Variants in CNTNAP2 observed in about 807,000 individuals in gnomAD.
The protein encoded by CNTNAP2 is contactin-associated protein-like 2.
A neutral mutation model predicts 155.2 loss-of-function variants in CNTNAP2; 98 were observed. The observed-to-expected ratio is 0.63, with a 90% CI of 0.54 to 0.75. CNTNAP2 has a LOEUF of 0.75. Among genes scored for constraint, CNTNAP2 ranks in the 30% least tolerant of loss-of-function variants. The pLI, the probability that CNTNAP2 is intolerant of heterozygous loss-of-function variation, is 0.00. For synonymous variants in CNTNAP2, 651 were observed against 631.2 expected, an observed-to-expected ratio of 1.03 and a Z score of -0.47; for missense variants, 1,727 against 1,688.1, an observed-to-expected ratio of 1.02 and a Z score of -0.40.
At chr7:147,544,900 A>G (rs2116752462) in intron 11 of CNTNAP2, among the ~76,000 whole-genome samples, 2 of 152,058 alleles carry the variant, frequency 1.3e-5, no homozygotes, top group African/African-American at 4.8e-5. Flanking sequence ...ATCTTTCCCC[A>G]TGATTGTGAG....
rs1803611181 is a variant in CNTNAP2, at chr7:148,081,835, A to G, written c.2384-36283A>G. Among the ~76,000 whole-genome samples, 2 of 152,066 alleles carry G rather than the reference A, an allele frequency of 1.3e-5. 1 individual carries two copies. The highest frequency in any genetic ancestry group is 4.2e-4 in the South Asian group (2 of 4,808). ...AATGACAGTGATTTGGGAAGACTTC[A>G]TGGCATGAATGTATGTGAGAAAGTG... On this transcript the variant is annotated intron_variant, in intron 15 of 23. Transcript: ENST00000361727.
intron 1 of CNTNAP2, among the ~76,000 whole-genome samples, chr7:146,370,641 C>A (rs1214513810): frequency 6.6e-6 from 1 of 151,938 alleles, no homozygotes; most frequent in Non-Finnish European, 1.5e-5. Flanking sequence ...AGTCGCCACT[C>A]ATTAATCTTT....
intron 3 of CNTNAP2, among the ~76,000 whole-genome samples, chr7:146,932,622 A>G (rs1796800404): frequency 6.6e-6 from 1 of 152,122 alleles, no homozygotes; most frequent in Non-Finnish European, 1.5e-5. Flanking sequence ...AAGGGTATTC[A>G]ATTAGGAAAA....
At chr7:148,313,892 G>C (rs1797640203) in intron 21 of CNTNAP2, among the ~76,000 whole-genome samples, 2 of 152,132 alleles carry the variant, frequency 1.3e-5, no homozygotes, top group Admixed American at 6.5e-5. Context: ...TATATTTGAT[G>C]AAAAAGAGCC....
intron 11 of CNTNAP2, among the ~76,000 whole-genome samples, chr7:147,561,704 T>C (rs530622045): frequency 2.4e-4 from 36 of 152,300 alleles, no homozygotes; most frequent in African/African-American, 7.9e-4. Flanking sequence ...AGTGTATGTG[T>C]GTGTGTGCAC....
At chr7:147,779,460 ATC>A (rs886714505) in intron 13 of CNTNAP2, among the ~76,000 whole-genome samples, 78 of 152,328 alleles carry the variant, frequency 5.1e-4, no homozygotes, top group African/African-American at 1.7e-3. Flanking sequence ...AGAAAAAAAG[ATC>A]TCTGTCTTTA....
At chr7:147,405,132 A>G (rs1322227108) in intron 10 of CNTNAP2, among the ~76,000 whole-genome samples, 1 of 152,232 alleles carries the variant, frequency 6.6e-6, no homozygotes. Context: ...AAGTAATGTC[A>G]GAAAAACAGT....
chr7:147,149,791 A>C (rs1801790180), intron 8 of CNTNAP2, among the ~76,000 whole-genome samples: 1 of 152,188 alleles, frequency 6.6e-6, no homozygotes, highest in Non-Finnish European at 1.5e-5. Flanking sequence ...AGGGAAAATG[A>C]GATAAGGTGG....
At chr7:147,097,487 G>C (rs77388641) in intron 4 of CNTNAP2, 1 of 152,172 alleles carries the variant, frequency 6.6e-6, no homozygotes, top group Non-Finnish European at 1.5e-5. Flanking sequence ...AGGGGACCTT[G>C]AACATGGCGG....
chr7:147,080,458 T>A (rs1800100256), intron 4 of CNTNAP2, among the ~76,000 whole-genome samples: 1 of 151,930 alleles, frequency 6.6e-6, no homozygotes, highest in Admixed American at 6.6e-5. Context: ...TAATTAATAA[T>A]TAACTAATAT....
intron 13 of CNTNAP2, among the ~76,000 whole-genome samples, chr7:147,881,696 C>T (rs751360696): frequency 6.6e-6 from 1 of 152,168 alleles, no homozygotes; most frequent in Non-Finnish European, 1.5e-5. Context: ...AGCAGGCCAG[C>T]ACCGTGGCTC....
intron 1 of CNTNAP2, among the ~76,000 whole-genome samples, chr7:146,343,158 T>A (rs1356021270): frequency 6.6e-6 from 1 of 152,204 alleles, no homozygotes; most frequent in African/African-American, 2.4e-5. Context: ...TAATAGATTA[T>A]TTCTTCTGCT....
chr7:148,392,894 GTA>G (rs1563070986), intron 22 of CNTNAP2, among the ~76,000 whole-genome samples: 1 of 99,672 alleles, frequency 1.0e-5, no homozygotes, highest in Admixed American at 1.2e-4. Flanking sequence ...TTAGACTTGA[GTA>G]TACCCAGCAC....
chr7:146,424,384 G>A (rs1054994432), intron 1 of CNTNAP2, among the ~76,000 whole-genome samples: 1 of 152,150 alleles, frequency 6.6e-6, no homozygotes, highest in African/African-American at 2.4e-5. Flanking sequence ...AACCTTCCAA[G>A]AAGCTTCTTC....
intron 8 of CNTNAP2, among the ~76,000 whole-genome samples, chr7:147,231,373 G>A (rs1355789052): frequency 6.6e-6 from 1 of 152,188 alleles, no homozygotes; most frequent in African/African-American, 2.4e-5. Context: ...CTTGGCTCTT[G>A]TGAATAATGT....
intron 13 of CNTNAP2, among the ~76,000 whole-genome samples, chr7:147,831,456 A>G (rs761338616): frequency 1.3e-5 from 2 of 152,184 alleles, no homozygotes; most frequent in Non-Finnish European, 2.9e-5. Context: ...GCATCTTGGA[A>G]TCTATGACAT....
intron 1 of CNTNAP2, among the ~76,000 whole-genome samples, chr7:146,675,118 C>T (rs1023089760): frequency 6.6e-6 from 1 of 152,058 alleles, no homozygotes; most frequent in Non-Finnish European, 1.5e-5. Context: ...TTACACTTCT[C>T]TGATGTCTGT....
chr7:147,948,546 G>T (rs1198380471), intron 14 of CNTNAP2, among the ~76,000 whole-genome samples: 1 of 147,962 alleles, frequency 6.8e-6, no homozygotes, highest in African/African-American at 2.5e-5. Context: ...TTGCAAAGAT[G>T]ATTATAACCA....
At chr7:147,175,147 A>C (rs538867007) in intron 8 of CNTNAP2, among the ~76,000 whole-genome samples, 1 of 152,296 alleles carries the variant, frequency 6.6e-6, no homozygotes, top group Non-Finnish European at 1.5e-5. Flanking sequence ...TTTACAGAAA[A>C]GTTAAATATT....
Sources: allele counts gnomAD v4.1 joint callset (sites outside exome capture counted in the v4.1 genomes callset), GRCh38; gene constraint gnomAD v4.1.1; transcripts MANE v1.5; gene names NCBI Gene and HGNC (gene_info 2026-07-23, HGNC 2026-07-21).